SORT1: variants seen among roughly 807,000 people sequenced by gnomAD.
The protein encoded by SORT1 is sortilin 1.
SORT1 carries 39 observed loss-of-function variants against 101.7 expected under a neutral mutation model. That is an observed-to-expected ratio of 0.38 (90% CI 0.30 to 0.50). SORT1 has a LOEUF of 0.50. Ranked by LOEUF, SORT1 falls within the 20% of genes least tolerant of loss-of-function variation. SORT1 has a pLI of 0.90. For missense variants in SORT1, 878 were observed against 1,040.4 expected (o/e 0.84, Z 2.15); for synonymous variants, 396 against 393.7 (o/e 1.01, Z -0.07).
intron 1 of SORT1, among the ~76,000 whole-genome samples, chr1:109,382,825 C>G (rs1652325526): frequency 6.6e-6 from 1 of 152,120 alleles, no homozygotes; most frequent in Non-Finnish European, 1.5e-5. Context: ...TAAAATGCAT[C>G]CACCTTGAAA....
At chr1:109,326,867 TATCTA>T (rs1648113531) in intron 13 of SORT1, 120 bp downstream of exon 13, 2 of 651,570 alleles carry the variant, frequency 3.1e-6, no homozygotes, top group African/African-American at 1.9e-5. Context: ...TCTAGAATCT[TATCTA>T]TAGTTCTGTC....
At chr1:109,391,047 G>C (rs1652890707) in intron 1 of SORT1, among the ~76,000 whole-genome samples, 1 of 152,044 alleles carries the variant, frequency 6.6e-6, no homozygotes, top group Non-Finnish European at 1.5e-5. Flanking sequence ...AGTACTATAG[G>C]AAAGGGAAAA....
At position 109,312,402 on chromosome 1, in the gene SORT1, G is replaced by T. The variant is rs1022859116; in HGVS notation, c.*1641C>A. On this transcript the variant is annotated 3_prime_UTR_variant, in exon 20 of 20. Coordinates refer to ENST00000256637, the MANE Select transcript of SORT1 (RefSeq NM_002959.7). ...TACTGCAGTTTTAACATCTCTAAAA[G>T]TCTCCATCCACTCTCTCCCCCACTT... The T allele has an allele frequency of 6.6e-6, 1 of 152,164 alleles. No homozygotes were observed. Among genetic ancestry groups the T allele is most frequent in the Admixed American group, 6.6e-5 (1 of 15,236 alleles). 9.4% of individuals were successfully genotyped at this position (152,164 alleles called of 1,614,324 possible). A position where few individuals can be genotyped will look rare whatever the true frequency, so the allele number is the denominator to read the frequency against.
rs540520774 is a variant in SORT1 at position 109,338,538 on chromosome 1, T to C, written c.1264+2186A>G. On this transcript the variant is annotated intron_variant, in intron 10 of 19. Transcript: ENST00000256637. ...AGGAAAGGTGAGCTCTGTAGAGCCA[T>C]TGAGTAGAACACAAGAAGAACCCTG... Among the ~76,000 whole-genome samples the C allele has an allele frequency of 6.6e-5, 10 of 152,284 alleles. No homozygotes were observed. The South Asian group carries it at 2.1e-3, about 32-fold the overall frequency.
Position 109,347,550 on chromosome 1 carries a change from C to T in SORT1, c.783-18G>A, listed in dbSNP as rs576707303. Reference sequence around the variant, plus strand: ...CTGATCCCCTACAATGAGGCAAAAACAGGGAAAAGAAATGGTTTAAGACTG... The same window carrying T: ...CTGATCCCCTACAATGAGGCAAAAATAGGGAAAAGAAATGGTTTAAGACTG... On this transcript the variant is annotated intron_variant, in intron 6 of 19. Coordinates refer to ENST00000256637, the MANE Select transcript of SORT1 (RefSeq NM_002959.7). 9.4e-6 allele frequency: 15 copies of T among 1,590,188 alleles called. No homozygotes were observed. The South Asian group carries it at 1.3e-4, about 14-fold the overall frequency.
intron 3 of SORT1, among the ~76,000 whole-genome samples, chr1:109,356,804 GA>G (rs1650356303): frequency 6.6e-6 from 1 of 152,166 alleles, no homozygotes; most frequent in Admixed American, 6.5e-5. Flanking sequence ...TTAGATTCTG[GA>G]AAATAAAAGC....
At chr1:109,339,224 C>T (rs971029280) in intron 10 of SORT1, among the ~76,000 whole-genome samples, 1 of 152,154 alleles carries the variant, frequency 6.6e-6, no homozygotes, top group Non-Finnish European at 1.5e-5. Flanking sequence ...AATGCCCTTC[C>T]CTCCCCATTC....
intron 1 of SORT1, among the ~76,000 whole-genome samples, chr1:109,370,388 A>G (rs1651414737): frequency 6.6e-6 from 1 of 152,170 alleles, no homozygotes; most frequent in Non-Finnish European, 1.5e-5. Context: ...ATCCTACCAC[A>G]TAGAGATATT....
intron 1 of SORT1, among the ~76,000 whole-genome samples, chr1:109,380,822 A>G (rs1158049340): frequency 6.7e-6 from 1 of 148,860 alleles, no homozygotes; most frequent in Non-Finnish European, 1.5e-5. Flanking sequence ...ACAAAAAAAA[A>G]AAAAAAAAAA....
In SORT1 at chr1:109,313,973, T is replaced by C. The variant is rs2101518867; in HGVS notation, c.*70A>G. 2 of 1,468,530 alleles carry C rather than the reference T, an allele frequency of 1.4e-6. No individual in the cohort carries two copies. The highest frequency in any genetic ancestry group is 1.2e-5 in the South Asian group (1 of 85,902). 91.0% of individuals were successfully genotyped at this position (1,468,530 alleles called of 1,614,324 possible). A position where few individuals can be genotyped will look rare whatever the true frequency, so the allele number is the denominator to read the frequency against. On this transcript the variant is annotated 3_prime_UTR_variant, in exon 20 of 20. Coordinates refer to ENST00000256637, the MANE Select transcript of SORT1 (RefSeq NM_002959.7). ...GCAATGGGAAATTTATTTCCTGAAG[T>C]TGGAGCCACAGGGAGTGTAAGAGGT...
chr1:109,387,924 T>C (rs1415111704), intron 1 of SORT1, among the ~76,000 whole-genome samples: 3 of 151,992 alleles, frequency 2.0e-5, no homozygotes, highest in African/African-American at 7.3e-5. Context: ...CACTCCAGCC[T>C]GGGCAACAGA....
At chr1:109,318,501 T>C (rs1006690030) in intron 15 of SORT1, among the ~76,000 whole-genome samples, 3 of 151,708 alleles carry the variant, frequency 2.0e-5, no homozygotes, top group Non-Finnish European at 4.4e-5. Flanking sequence ...CTGGTGGGGG[T>C]AGGACTAGCT....
intron 15 of SORT1, among the ~76,000 whole-genome samples, chr1:109,321,048 G>A (rs1008702724): frequency 6.6e-6 from 1 of 152,156 alleles, no homozygotes; most frequent in South Asian, 2.1e-4. Context: ...TATCAGTCAT[G>A]TCCTCTCTGT....
intron 3 of SORT1, among the ~76,000 whole-genome samples, chr1:109,356,060 C>T (rs1253608197): frequency 2.6e-5 from 4 of 152,084 alleles, no homozygotes; most frequent in South Asian, 2.1e-4. Flanking sequence ...TAAGTAGAGA[C>T]GGGGTTTCAC....
At chr1:109,346,212 C>T (rs1649579356) in intron 7 of SORT1, among the ~76,000 whole-genome samples, 1 of 150,962 alleles carries the variant, frequency 6.6e-6, no homozygotes. Flanking sequence ...ACTCGGGAGG[C>T]TGAGGCAGGA....
In SORT1 at chr1:109,313,897, G is replaced by T; in HGVS notation, c.*146C>A. 33 of 517,078 alleles carry T rather than the reference G, an allele frequency of 6.4e-5. No individual in the cohort carries two copies. Among genetic ancestry groups the T allele is most frequent in the East Asian group, 1.6e-4 (4 of 24,932 alleles). 32.0% of individuals were successfully genotyped at this position (517,078 alleles called of 1,614,324 possible). ...CACCCCCACCCTGCATTTCTTTAGT[G>T]TAGGTCCTTTTGGCTTTGATGGAAG... On this transcript the variant is annotated 3_prime_UTR_variant, in exon 20 of 20. Transcript: ENST00000256637.
chr1:109,330,824 T>A (rs1212951048), intron 11 of SORT1, among the ~76,000 whole-genome samples: 1 of 152,086 alleles, frequency 6.6e-6, no homozygotes, highest in East Asian at 1.9e-4. Flanking sequence ...CCTAAGAGAC[T>A]ACTATGAACA....
intron 1 of SORT1, among the ~76,000 whole-genome samples, chr1:109,386,431 A>T (rs973240240): frequency 6.6e-6 from 1 of 152,246 alleles, no homozygotes; most frequent in Non-Finnish European, 1.5e-5. Flanking sequence ...GACAGGAAGA[A>T]ACCCATGAAA....
chr1:109,327,630 G>A, intron 11 of SORT1, 29 bp from the exon 12 acceptor site: 1 of 1,381,684 alleles, frequency 7.2e-7, no homozygotes, highest in Non-Finnish European at 1.0e-6. Context: ...GCGTAGATTA[G>A]AACCAAAGAT....
Sources: gnomAD v4.1 joint callset for allele counts (sites outside exome capture counted in the v4.1 genomes callset) on GRCh38, gnomAD v4.1.1 for gene constraint, MANE v1.5 for transcripts, NCBI Gene and HGNC (gene_info 2026-07-23, HGNC 2026-07-21) for gene names.